SMURF2: variants seen among roughly 807,000 people sequenced by gnomAD.
SMURF2 encodes the protein E3 ubiquitin-protein ligase SMURF2.
Under a neutral mutation model 109.6 loss-of-function variants are expected in SMURF2, and 48 were observed. That is an observed-to-expected ratio of 0.44 (90% CI 0.35 to 0.56). The LOEUF is 0.56. SMURF2 is among the 20% of genes least tolerant of loss of function. The probability of loss-of-function intolerance (pLI) is 0.01; values close to 1 mark genes in which losing one functional copy is unlikely to be tolerated. For missense variants in SMURF2, 575 were observed against 909.0 expected (o/e 0.63, Z 4.72); for synonymous variants, 288 against 317.1 (o/e 0.91, Z 0.97).
intron 1 of SMURF2, among the ~76,000 whole-genome samples, chr17:64,633,002 G>A (rs189982398): frequency 3.2e-4 from 48 of 152,352 alleles, no homozygotes; most frequent in African/African-American, 1.2e-3. Flanking sequence ...TGCATGTGGT[G>A]GCTCAAGTCT....
At chr17:64,655,946 A>T (rs1033516271) in intron 1 of SMURF2, among the ~76,000 whole-genome samples, 4 of 151,916 alleles carry the variant, frequency 2.6e-5, no homozygotes, top group East Asian at 1.9e-4. Flanking sequence ...AAGCTACAAT[A>T]AAAAAAACAG....
intron 1 of SMURF2, among the ~76,000 whole-genome samples, chr17:64,613,673 AGTGTGTGTGTGT>A (rs61060865): frequency 7.9e-3 from 164 of 20,786 alleles, no homozygotes; most frequent in Non-Finnish European, 0.01. Flanking sequence ...TCCACGGACC[AGTGTGTGTGTGT>A]GTGTGTGTGT....
chr17:64,549,262 C>CAAAAAAAAAAAAA (rs577973821), intron 16 of SMURF2, among the ~76,000 whole-genome samples: 1 of 41,570 alleles, frequency 2.4e-5, no homozygotes, highest in Non-Finnish European at 4.6e-5. Flanking sequence ...ACTGTGTCTC[C>CAAAAAAAAAAAAA]AAAAAAAAAA....
At chr17:64,620,742 T>C (rs1970190389) in intron 1 of SMURF2, among the ~76,000 whole-genome samples, 2 of 152,382 alleles carry the variant, frequency 1.3e-5, no homozygotes, top group Non-Finnish European at 2.9e-5. Flanking sequence ...TGTGATGTCT[T>C]ACCTCTGTCT....
At chr17:64,660,693 C>A (rs2144744757) in intron 1 of SMURF2, 1 of 152,306 alleles carries the variant, frequency 6.6e-6, no homozygotes, top group East Asian at 1.9e-4. Context: ...TTTATCCGTA[C>A]ACGTGCACGC....
intron 1 of SMURF2, among the ~76,000 whole-genome samples, chr17:64,618,523 C>T (rs1050114791): frequency 1.3e-5 from 2 of 152,130 alleles, no homozygotes; most frequent in African/African-American, 4.8e-5. Context: ...GACTTAAAGA[C>T]CTATGCTGTG....
chr17:64,549,008 G>T (rs782371530), intron 16 of SMURF2, among the ~76,000 whole-genome samples: 6 of 152,044 alleles, frequency 3.9e-5, no homozygotes, highest in African/African-American at 1.2e-4. Flanking sequence ...AATTGGTAGG[G>T]TGTGGTAGCT....
intron 1 of SMURF2, among the ~76,000 whole-genome samples, chr17:64,661,495 G>C (rs1223457130): frequency 6.6e-6 from 1 of 152,060 alleles, no homozygotes; most frequent in Non-Finnish European, 1.5e-5. Context: ...ATCTCACCTG[G>C]GCGGTAGCCC....
Position 64,621,986 on chromosome 17 carries a change from A to AATAATT in SMURF2, c.53-15347_53-15346insAATTAT, listed in dbSNP as rs57165402. 3.1e-5 allele frequency among the ~76,000 whole-genome samples: 4 copies of AATAATT among 130,992 alleles called. No individual in the cohort carries two copies. The East Asian group carries it at 8.5e-4, about 28-fold the overall frequency. The allele number at this position is 130,992 out of a possible 152,430, so 85.9% of individuals were successfully genotyped here. ...TAATAATAATAATAATAATAATAAT[A>AATAATT]AAAAAAAGCACTGTAGTGAGCCATC... On this transcript the variant is annotated intron_variant, in intron 1 of 18. Coordinates refer to ENST00000262435, the MANE Select transcript of SMURF2 (RefSeq NM_022739.4).
At chr17:64,546,208 T>G in intron 18 of SMURF2, 55 bp downstream of exon 18, 1 of 1,545,144 alleles carries the variant, frequency 6.5e-7, no homozygotes, top group Admixed American at 1.7e-5. Flanking sequence ...CAAATCTGTT[T>G]GGAACTAACA....
intron 1 of SMURF2, among the ~76,000 whole-genome samples, chr17:64,645,096 C>A (rs959934567): frequency 3.3e-5 from 5 of 151,438 alleles, no homozygotes; most frequent in Non-Finnish European, 7.4e-5. Context: ...TCATCTAAGG[C>A]AACAGCACTG....
At chr17:64,614,066 A>G (rs1970089509) in intron 1 of SMURF2, among the ~76,000 whole-genome samples, 1 of 152,044 alleles carries the variant, frequency 6.6e-6, no homozygotes, top group Admixed American at 6.6e-5. Flanking sequence ...ATCTGAGAGG[A>G]GGCTGAGCTC....
chr17:64,570,636 G>T (rs959612584), intron 10 of SMURF2, among the ~76,000 whole-genome samples: 9 of 152,134 alleles, frequency 5.9e-5, no homozygotes, highest in African/African-American at 2.2e-4. Context: ...TGAAGCCAGA[G>T]CATCCTGGTT....
chr17:64,561,440 G>A (rs1232469287), intron 12 of SMURF2, 60 bp downstream of exon 12: 1 of 1,114,634 alleles, frequency 9.0e-7, no homozygotes, highest in African/African-American at 1.6e-5. Context: ...ACCACAGGAA[G>A]TAGCTTAAAT....
chr17:64,633,707 C>T (rs1206424350), intron 1 of SMURF2, among the ~76,000 whole-genome samples: 1 of 152,108 alleles, frequency 6.6e-6, no homozygotes, highest in Non-Finnish European at 1.5e-5. Flanking sequence ...AATTCTGAGC[C>T]TTCAATAATA....
rs140174914 is a variant in SMURF2, at chr17:64,660,568, G to C, written c.52+1261C>G. 7.2e-5 allele frequency among the ~76,000 whole-genome samples: 11 copies of C among 152,336 alleles called. No homozygotes were observed. In the East Asian group the frequency reaches 2.1e-3, roughly 29 times the overall value. On this transcript the variant is annotated intron_variant, in intron 1 of 18. Coordinates refer to ENST00000262435, the MANE Select transcript of SMURF2 (RefSeq NM_022739.4). ...TAAATTCTCAAATACCAAATTCACT[G>C]CAAGTTTTCATCCAGCAAGTTCAGC... is the stretch of plus-strand genomic sequence containing the variant.
At chr17:64,583,272 CA>C (rs1280292499) in intron 7 of SMURF2, among the ~76,000 whole-genome samples, 188 bp downstream of exon 7, 4 of 152,104 alleles carry the variant, frequency 2.6e-5, no homozygotes, top group Non-Finnish European at 5.9e-5. Context: ...GCTACAATGA[CA>C]GCATGACCTG....
rs1969048490 is a variant in SMURF2, at chr17:64,551,715, T to C, written c.1749-11A>G. On this transcript the variant is annotated splice_polypyrimidine_tract_variant and intron_variant, in intron 15 of 18. Coordinates refer to ENST00000262435, the MANE Select transcript of SMURF2 (RefSeq NM_022739.4). ...CAGTTCACATAGAGCCTGTAAACAT[T>C]CGGCAGGATTTCGTATAATCACATG... The C allele has an allele frequency of 1.2e-6, 2 of 1,613,164 alleles. No homozygotes were observed. The highest frequency in any genetic ancestry group is 1.7e-6 in the Non-Finnish European group (2 of 1,179,674).
intron 10 of SMURF2, among the ~76,000 whole-genome samples, chr17:64,566,505 G>GA (rs144644076): frequency 0.085 from 10,236 of 119,730 alleles, 1,294 homozygotes; most frequent in African/African-American, 0.29. Flanking sequence ...TCCTTAAGAA[G>GA]AAAAAAACAA....
Sources: allele counts gnomAD v4.1 joint callset (sites outside exome capture counted in the v4.1 genomes callset), GRCh38; gene constraint gnomAD v4.1.1; transcripts MANE v1.5; gene names NCBI Gene and HGNC (gene_info 2026-07-23, HGNC 2026-07-21).